The following MAPRE1 variants were observed in gnomAD, a reference collection of about 807,000 sequenced individuals.
MAPRE1 encodes microtubule-associated protein RP/EB family member 1.
In MAPRE1, 5 loss-of-function variants were observed where a neutral mutation model predicts 32.1. The observed-to-expected ratio is 0.16, with a 90% CI of 0.08 to 0.33. The LOEUF (loss-of-function observed/expected upper bound fraction) is 0.33. Among genes scored for constraint, MAPRE1 ranks in the 10% least tolerant of loss-of-function variants. The pLI is 1.00. For synonymous variants in MAPRE1, 122 were observed against 118.9 expected (o/e 1.03, Z -0.17); for missense variants, 209 against 327.2 (o/e 0.64, Z 2.79).
intron 2 of MAPRE1, among the ~76,000 whole-genome samples, chr20:32,827,590 C>T (rs1982894684): frequency 1.3e-5 from 2 of 151,806 alleles, no homozygotes; most frequent in African/African-American, 4.8e-5. Flanking sequence ...TGCCCTGGAT[C>T]GATCTTAAAT....
intron 2 of MAPRE1, 65 bp downstream of exon 2, chr20:32,826,113 C>T: frequency 6.9e-7 from 1 of 1,454,808 alleles, no homozygotes; most frequent in East Asian, 2.3e-5. Flanking sequence ...ATGTGAAGGC[C>T]TGTATCTGAC....
intron 1 of MAPRE1, among the ~76,000 whole-genome samples, chr20:32,821,857 T>C (rs1982712751): frequency 6.6e-6 from 1 of 152,150 alleles, no homozygotes; most frequent in Admixed American, 6.6e-5. Context: ...GAGGGAGCTT[T>C]TTCATGGTGG....
Position 32,826,017 on chromosome 20 carries a change from G to A in MAPRE1, c.90G>A (p.Leu30=). ...CCTGGATCAATGAGTCTCTGCAGTT[G>A]AATCTGACAAAGATCGAACAGTTGT... ...MLAWINESLQ[L]NLTKIEQLCS... is the part of the protein sequence containing the mutation. The change falls in exon 2 of 7, where the codon TTG becomes TTA. Residue 30 remains leucine (L), a synonymous_variant. Coordinates refer to ENST00000375571, the MANE Select transcript of MAPRE1 (RefSeq NM_012325.3). 1 of 1,608,380 alleles carries A rather than the reference G, an allele frequency of 6.2e-7. No homozygotes were observed. Among genetic ancestry groups the A allele is most frequent in the Non-Finnish European group, 8.5e-7 (1 of 1,175,622 alleles).
chr20:32,833,477 A>G (rs1983099759), intron 2 of MAPRE1, among the ~76,000 whole-genome samples: 1 of 152,178 alleles, frequency 6.6e-6, no homozygotes, highest in African/African-American at 2.4e-5. Context: ...AATTTTGTAG[A>G]AACACTCCTT....
intron 3 of MAPRE1, 72 bp from the exon 4 acceptor site, chr20:32,836,562 T>C (rs751154920): frequency 8.8e-5 from 73 of 825,534 alleles, no homozygotes; most frequent in Non-Finnish European, 1.3e-4. Context: ...TTATAATGAA[T>C]TGATGCATGG....
rs369653826 is a variant in MAPRE1, at chr20:32,846,598, C to G, written c.598-20C>G. The G allele has an allele frequency of 9.9e-6, 16 of 1,611,970 alleles. No homozygotes were observed. Among genetic ancestry groups the G allele is most frequent in the Non-Finnish European group, 1.3e-5 (15 of 1,178,598 alleles). ...CCATACTAATGCCAAGCATCTCACCCTTTTTAATGTCTTGTGCAGGTCAAC... is the reference window on the plus strand; with the variant it reads ...CCATACTAATGCCAAGCATCTCACCGTTTTTAATGTCTTGTGCAGGTCAAC... On this transcript the variant is annotated intron_variant, in intron 5 of 6. Coordinates refer to ENST00000375571, the MANE Select transcript of MAPRE1 (RefSeq NM_012325.3).
At position 32,829,367 on chromosome 20, in the gene MAPRE1, A is replaced by G. The variant is rs770920745; in HGVS notation, c.121+3319A>G. On this transcript the variant is annotated intron_variant, in intron 2 of 6. Coordinates refer to ENST00000375571, the MANE Select transcript of MAPRE1 (RefSeq NM_012325.3). ...GAAAGCCGTATAAGATGTCTCTTGG[A>G]GTATGTAGATGGTTGCATTGTGTTT... Among the ~76,000 whole-genome samples, 4 of 152,150 alleles carry G rather than the reference A, an allele frequency of 2.6e-5. No homozygotes were observed. The East Asian group carries it at 7.7e-4, about 29-fold the overall frequency.
chr20:32,831,285 G>C (rs1294806389), intron 2 of MAPRE1, among the ~76,000 whole-genome samples: 2 of 151,918 alleles, frequency 1.3e-5, no homozygotes, highest in African/African-American at 4.8e-5. Context: ...CTCTAAAAAA[G>C]AAAAAGAAAC....
chr20:32,826,286 G>A (rs1325795956), intron 2 of MAPRE1, among the ~76,000 whole-genome samples: 5 of 147,846 alleles, frequency 3.4e-5, no homozygotes, highest in South Asian at 2.1e-4. Context: ...GCGCGATCTC[G>A]GCTCACTTCA....
intron 5 of MAPRE1, among the ~76,000 whole-genome samples, chr20:32,846,322 G>C (rs1983504435): frequency 6.6e-6 from 1 of 152,202 alleles, no homozygotes; most frequent in South Asian, 2.1e-4. Context: ...TTGCTAGGCT[G>C]TAATTGTCTC....
chr20:32,832,884 C>T (rs959503552), intron 2 of MAPRE1, among the ~76,000 whole-genome samples: 48 of 120,344 alleles, frequency 4.0e-4, no homozygotes, highest in African/African-American at 5.2e-4. Flanking sequence ...GTAGAGGTTG[C>T]GGTGAGCCGA....
At chr20:32,832,737 C>T (rs1315015298) in intron 2 of MAPRE1, among the ~76,000 whole-genome samples, 1 of 151,094 alleles carries the variant, frequency 6.6e-6, no homozygotes, top group Admixed American at 6.6e-5. Flanking sequence ...GTTGAGATTA[C>T]AGGCGTGAGC....
intron 5 of MAPRE1, 49 bp downstream of exon 5, chr20:32,839,905 C>G: frequency 6.2e-7 from 1 of 1,608,098 alleles, no homozygotes; most frequent in Non-Finnish European, 8.5e-7. Flanking sequence ...GGATAGGATC[C>G]TTGCGGTGGC....
At chr20:32,840,712 G>C (rs979129590) in intron 5 of MAPRE1, among the ~76,000 whole-genome samples, 1 of 152,304 alleles carries the variant, frequency 6.6e-6, no homozygotes, top group East Asian at 1.9e-4. Flanking sequence ...CCTGAAACTT[G>C]AGGGAATTGA....
At chr20:32,838,700 G>A (rs373113610) in intron 4 of MAPRE1, among the ~76,000 whole-genome samples, 9 of 152,210 alleles carry the variant, frequency 5.9e-5, no homozygotes, top group Admixed American at 1.3e-4. Context: ...AGATAACCCC[G>A]TGCATTTCAT....
At chr20:32,822,780 C>T (rs1319490084) in intron 1 of MAPRE1, among the ~76,000 whole-genome samples, 1 of 152,124 alleles carries the variant, frequency 6.6e-6, no homozygotes, top group Non-Finnish European at 1.5e-5. Flanking sequence ...CTGTTTGCAT[C>T]GAGTGGATTG....
At chr20:32,829,351 A>G (rs114945037) in intron 2 of MAPRE1, among the ~76,000 whole-genome samples, 5,408 of 152,328 alleles carry the variant, frequency 0.036, 303 homozygotes, top group African/African-American at 0.12. Flanking sequence ...TGAAAGCCGT[A>G]TAAGATGTCT....
At chr20:32,828,388 A>G (rs8117656) in intron 2 of MAPRE1, among the ~76,000 whole-genome samples, 5,016 of 152,248 alleles carry the variant, frequency 0.033, 262 homozygotes, top group African/African-American at 0.11. Flanking sequence ...TCCAAAGTCT[A>G]TTTCACTTAG....
At chr20:32,826,629 C>G (rs1037468778) in intron 2 of MAPRE1, among the ~76,000 whole-genome samples, 4 of 143,708 alleles carry the variant, frequency 2.8e-5, no homozygotes, top group Non-Finnish European at 4.5e-5. Context: ...CGGGTTCAAG[C>G]GATTCTCCTA....
Sources: gnomAD v4.1 joint callset for allele counts (sites outside exome capture counted in the v4.1 genomes callset) on GRCh38, gnomAD v4.1.1 for gene constraint, MANE v1.5 for transcripts, NCBI Gene and HGNC (gene_info 2026-07-23, HGNC 2026-07-21) for gene names.